Variants in COPA observed in about 807,000 individuals in gnomAD.
COPA encodes coat protein complex I subunit alpha, also known as coatomer subunit alpha.
A neutral mutation model predicts 158.7 loss-of-function variants in COPA; 10 were observed. The observed-to-expected ratio is 0.06, with a 90% CI of 0.04 to 0.11. The LOEUF (loss-of-function observed/expected upper bound fraction) is 0.11. Among genes scored for constraint, COPA ranks in the 10% least tolerant of loss-of-function variants. The probability of loss-of-function intolerance (pLI) is 1.00; values close to 1 mark genes in which losing one functional copy is unlikely to be tolerated. For missense variants in COPA, 1,065 were observed against 1,536.7 expected (o/e 0.69, Z 5.13); for synonymous variants, 462 against 542.8 (o/e 0.85, Z 2.07).
intron 2 of COPA, 34 bp from the exon 3 acceptor site, chr1:160,340,016 G>A (rs1356107114): frequency 3.1e-6 from 5 of 1,606,576 alleles, no homozygotes; most frequent in Admixed American, 1.7e-5. Flanking sequence ...ATGTTAGACA[G>A]AGCTATCCTT....
chr1:160,343,211 ACACACCC>A lies in COPA; in HGVS notation c.-48_-42del. The A allele has an allele frequency of 1.2e-6, 2 of 1,613,566 alleles. No homozygotes were observed. The highest frequency in any genetic ancestry group is 1.7e-6 in the Non-Finnish European group (2 of 1,179,706). On this transcript the variant is annotated 5_prime_UTR_variant, in exon 1 of 33. Coordinates refer to ENST00000241704, the MANE Select transcript of COPA (RefSeq NM_004371.4). ...CTCCGATGTCTTAATCCGAGCCCCGACACACCCTGCTGCCCTTCGGACGCCTCCACGT... is the reference window on the plus strand; with the variant it reads ...CTCCGATGTCTTAATCCGAGCCCCGATGCTGCCCTTCGGACGCCTCCACGT...
chr1:160,304,638 T>C (rs1658722707), intron 17 of COPA, among the ~76,000 whole-genome samples: 1 of 152,044 alleles, frequency 6.6e-6, no homozygotes, highest in Non-Finnish European at 1.5e-5. Context: ...CACTCCAGCC[T>C]GGGCGAGACT....
intron 5 of COPA, 110 bp from the exon 6 acceptor site, chr1:160,332,667 G>A: frequency 1.5e-6 from 1 of 654,920 alleles, no homozygotes; most frequent in Non-Finnish European, 2.5e-6. Flanking sequence ...TTACTTTTAT[G>A]GAGACAAAGG....
intron 8 of COPA, among the ~76,000 whole-genome samples, chr1:160,318,498 A>AAAAAAAAG (rs1659231605): frequency 7.4e-6 from 1 of 134,334 alleles, no homozygotes; most frequent in Admixed American, 7.3e-5. Context: ...AAAACAAAAA[A>AAAAAAAAG]AAAAAAAAAA....
In COPA at chr1:160,300,723, A is replaced by G. The variant is rs1658573462; in HGVS notation, c.1668-1459T>C. ...ATCTCACTTATAAATATGTGAAAAC[A>G]TAAGTAAAATATTAGCAACCTAAAG... On this transcript the variant is annotated intron_variant, in intron 17 of 32. Transcript: ENST00000241704. Among the ~76,000 whole-genome samples, 4 of 152,388 alleles carry G rather than the reference A, an allele frequency of 2.6e-5. No individual in the cohort carries two copies. In the South Asian group the frequency reaches 6.2e-4, roughly 24 times the overall value.
At chr1:160,323,655 C>T in intron 7 of COPA, 125 bp from the exon 8 acceptor site, 2 of 543,916 alleles carry the variant, frequency 3.7e-6, no homozygotes, top group Non-Finnish European at 5.8e-6. Flanking sequence ...ATTCAAGAGA[C>T]TACGCTGCTC....
chr1:160,293,014 G>A, intron 27 of COPA, 152 bp downstream of exon 27: 1 of 787,376 alleles, frequency 1.3e-6, no homozygotes, highest in Non-Finnish European at 2.1e-6. Context: ...TAACAGGAAG[G>A]CAAGTGTACT....
intron 21 of COPA, among the ~76,000 whole-genome samples, 164 bp downstream of exon 21, chr1:160,297,179 T>C (rs958566744): frequency 1.3e-5 from 2 of 152,166 alleles, no homozygotes; most frequent in Admixed American, 1.3e-4. Flanking sequence ...GCACCTCCCT[T>C]TGGCTTTGAA....
chr1:160,323,562 T>G, intron 7 of COPA, 32 bp from the exon 8 acceptor site: 1 of 1,534,972 alleles, frequency 6.5e-7, no homozygotes, highest in South Asian at 1.2e-5. Flanking sequence ...CTAAAACATC[T>G]TTATAGTCAT....
intron 30 of COPA, 152 bp from the exon 31 acceptor site, chr1:160,291,648 T>C: frequency 1.8e-6 from 2 of 1,133,304 alleles, no homozygotes; most frequent in East Asian, 2.4e-5. Context: ...TATGGAGGAC[T>C]GGTGAGATGA....
At chr1:160,300,385 A>AAATG (rs1258483858) in intron 17 of COPA, among the ~76,000 whole-genome samples, 3 of 150,178 alleles carry the variant, frequency 2.0e-5, no homozygotes, top group African/African-American at 7.4e-5. Context: ...ATAAATAAAT[A>AAATG]AATAAATAGA....
chr1:160,321,895 T>A (rs998054859), intron 8 of COPA, among the ~76,000 whole-genome samples: 3 of 152,068 alleles, frequency 2.0e-5, no homozygotes, highest in African/African-American at 7.2e-5. Flanking sequence ...GGAATCACTC[T>A]AACCAAAGAA....
intron 5 of COPA, 193 bp downstream of exon 5, chr1:160,333,410 G>T: frequency 2.2e-6 from 1 of 452,842 alleles, no homozygotes; most frequent in Non-Finnish European, 3.9e-6. Context: ...GAAATTATTG[G>T]AAGTCCAGAT....
At chr1:160,335,189 TAC>T (rs1196875291) in intron 4 of COPA, 51 bp downstream of exon 4, 3 of 1,481,428 alleles carry the variant, frequency 2.0e-6, no homozygotes, top group African/African-American at 2.9e-5. Flanking sequence ...AAATAAAGAT[TAC>T]TATGGGGAAA....
In COPA at chr1:160,312,104, A is replaced by G. The variant is rs372009870; in HGVS notation, c.926-86T>C. The G allele has an allele frequency of 3.7e-5, 52 of 1,411,844 alleles. 1 individual carries two copies. Among genetic ancestry groups the G allele is most frequent in the East Asian group, 2.3e-4 (10 of 43,202 alleles). 87.5% of individuals were successfully genotyped at this position (1,411,844 alleles called of 1,614,324 possible). ...TTGGAGATACGTAAGGATGAAGATT[A>G]TATCTGTAAGACAAGACACCTGAAT... is the stretch of plus-strand genomic sequence containing the variant. On this transcript the variant is annotated intron_variant, in intron 10 of 32. Transcript: ENST00000241704.
In COPA at chr1:160,302,942, G is replaced by A. The variant is rs139749493; in HGVS notation, c.1667+2491C>T. Among the ~76,000 whole-genome samples, 105 of 152,276 alleles carry A rather than the reference G, an allele frequency of 6.9e-4. 1 individual carries two copies. The highest frequency in any genetic ancestry group is 2.4e-3 in the African/African-American group (98 of 41,586). ...AATCCCAGCACTTTGGGAAGCTGAT[G>A]TGGGAGGATGGCTTGAGGTCAGGAG... On this transcript the variant is annotated intron_variant, in intron 17 of 32. Coordinates refer to ENST00000241704, the MANE Select transcript of COPA (RefSeq NM_004371.4).
chr1:160,331,648 C>CAAAA (rs59093132), intron 6 of COPA, among the ~76,000 whole-genome samples: 1 of 95,858 alleles, frequency 1.0e-5, no homozygotes. Flanking sequence ...GACTCCATCT[C>CAAAA]AAAAAAAAAA....
intron 4 of COPA, among the ~76,000 whole-genome samples, chr1:160,334,237 T>C (rs745567254): frequency 2.0e-5 from 3 of 152,216 alleles, no homozygotes; most frequent in Non-Finnish European, 4.4e-5. Context: ...AAGCTTTGTG[T>C]TAAACACTGA....
At chr1:160,322,766 T>C (rs1659366172) in intron 8 of COPA, among the ~76,000 whole-genome samples, 1 of 152,142 alleles carries the variant, frequency 6.6e-6, no homozygotes, top group Admixed American at 6.6e-5. Flanking sequence ...ATAGTCACAA[T>C]GGAGAATAGT....
Sources: gnomAD v4.1 joint callset for allele counts (sites outside exome capture counted in the v4.1 genomes callset) on GRCh38, gnomAD v4.1.1 for gene constraint, MANE v1.5 for transcripts, NCBI Gene and HGNC (gene_info 2026-07-23, HGNC 2026-07-21) for gene names.